Variants in AGBL4 observed in about 807,000 individuals in gnomAD.
The protein encoded by AGBL4 is cytosolic carboxypeptidase 6.
In AGBL4, 58 loss-of-function variants were observed where a neutral mutation model predicts 66.4. The ratio of observed to expected loss-of-function variants is 0.87; its 90% CI spans 0.71 to 1.09. The LOEUF (loss-of-function observed/expected upper bound fraction) is 1.09. AGBL4 is among the 50% of genes least tolerant of loss of function. AGBL4 has a pLI of 0.00. For synonymous variants in AGBL4, 234 were observed against 222.9 expected (o/e 1.05, Z -0.44); for missense variants, 579 against 631.0 (o/e 0.92, Z 0.88).
chr1:48,880,294 A>T (rs146513178), intron 5 of AGBL4, among the ~76,000 whole-genome samples: 251 of 152,292 alleles, frequency 1.6e-3, no homozygotes, highest in African/African-American at 5.9e-3. Flanking sequence ...AATGCCATTA[A>T]TTCATTCCTT....
intron 3 of AGBL4, among the ~76,000 whole-genome samples, chr1:49,638,686 C>T (rs1645724331): frequency 6.6e-6 from 1 of 152,158 alleles, no homozygotes; most frequent in Admixed American, 6.5e-5. Flanking sequence ...GCTTTCTTGC[C>T]TGCTGCCATG....
chr1:49,906,116 C>CTGTGTG (rs59711282), intron 1 of AGBL4, among the ~76,000 whole-genome samples: 1,886 of 147,382 alleles, frequency 0.013, 34 homozygotes, highest in African/African-American at 0.044. Flanking sequence ...AAACAGGACT[C>CTGTGTG]TGTGTGTGTG....
chr1:48,733,159 G>A, intron 6 of AGBL4, among the ~76,000 whole-genome samples: 1 of 152,192 alleles, frequency 6.6e-6, no homozygotes, highest in East Asian at 1.9e-4. Flanking sequence ...TAGCAGCTGG[G>A]TGACAGAGTG....
At chr1:49,095,742 GA>G (rs1321854312) in intron 4 of AGBL4, among the ~76,000 whole-genome samples, 1 of 151,550 alleles carries the variant, frequency 6.6e-6, no homozygotes, top group Non-Finnish European at 1.5e-5. Flanking sequence ...AACCCTAGAA[GA>G]AAACCTAGGC....
chr1:49,313,819 C>T (rs1008211732), intron 3 of AGBL4, among the ~76,000 whole-genome samples: 2 of 152,084 alleles, frequency 1.3e-5, no homozygotes, highest in Non-Finnish European at 2.9e-5. Flanking sequence ...CTGTAGCTTG[C>T]CTGTTCATTC....
intron 1 of AGBL4, among the ~76,000 whole-genome samples, chr1:49,915,872 C>T (rs1571862582): frequency 1.3e-5 from 2 of 152,108 alleles, no homozygotes; most frequent in South Asian, 4.1e-4. Context: ...GCCAGGTACT[C>T]CTCTGAGACG....
At position 49,840,321 on chromosome 1, in the gene AGBL4, T is replaced by G. The variant is rs542689283; in HGVS notation, c.157+11075A>C. Among the ~76,000 whole-genome samples the G allele has an allele frequency of 2.0e-3, 298 of 152,296 alleles. 10 individuals are homozygous for G. The South Asian group carries it at 0.061, about 31-fold the overall frequency. Reference sequence around the variant, plus strand: ...CTGTGGGAATAGTTGTAATGTTGTATTTGTCATTCCTGATTGTACTTAAGT... The same window carrying G: ...CTGTGGGAATAGTTGTAATGTTGTAGTTGTCATTCCTGATTGTACTTAAGT... On this transcript the variant is annotated intron_variant, in intron 2 of 13. Coordinates refer to ENST00000371839, the MANE Select transcript of AGBL4 (RefSeq NM_032785.4).
chr1:49,649,799 T>C (rs1645964848), intron 3 of AGBL4, among the ~76,000 whole-genome samples: 1 of 152,120 alleles, frequency 6.6e-6, no homozygotes, highest in East Asian at 1.9e-4. Flanking sequence ...GTTTACTCTC[T>C]GGCCACAACG....
intron 1 of AGBL4, among the ~76,000 whole-genome samples, chr1:50,011,128 T>G (rs1661498967): frequency 1.3e-5 from 2 of 152,182 alleles, no homozygotes; most frequent in African/African-American, 4.8e-5. Context: ...TTTGTTAAAT[T>G]TGTTAATTTG....
chr1:49,315,986 T>C (rs1645032964), intron 3 of AGBL4, among the ~76,000 whole-genome samples: 1 of 151,966 alleles, frequency 6.6e-6, no homozygotes, highest in Non-Finnish European at 1.5e-5. Flanking sequence ...TAAATGCATA[T>C]TGCTAAGTGA....
chr1:49,725,687 T>G (rs1454991479), intron 2 of AGBL4, among the ~76,000 whole-genome samples: 4 of 146,594 alleles, frequency 2.7e-5, no homozygotes, highest in Non-Finnish European at 4.5e-5. Context: ...TGTGGGTTTT[T>G]TTTTTTTTTT....
At chr1:49,883,057 A>T (rs1647586349) in intron 1 of AGBL4, among the ~76,000 whole-genome samples, 1 of 152,182 alleles carries the variant, frequency 6.6e-6, no homozygotes, top group African/African-American at 2.4e-5. Context: ...CAAGAATGCA[A>T]GTAAGGTGTA....
intron 8 of AGBL4, among the ~76,000 whole-genome samples, chr1:48,651,358 A>T (rs929269487): frequency 3.3e-5 from 5 of 152,178 alleles, no homozygotes; most frequent in Admixed American, 3.3e-4. Context: ...CTGAGAGGGG[A>T]GGCATTTTGG....
At chr1:48,686,688 A>T (rs1452646993) in intron 6 of AGBL4, among the ~76,000 whole-genome samples, 1 of 152,202 alleles carries the variant, frequency 6.6e-6, no homozygotes, top group Non-Finnish European at 1.5e-5. Context: ...ACTTTCGGCC[A>T]TGCACAGTTT....
At chr1:49,021,994 C>T (rs1244193652) in intron 5 of AGBL4, among the ~76,000 whole-genome samples, 1 of 152,024 alleles carries the variant, frequency 6.6e-6, no homozygotes, top group Non-Finnish European at 1.5e-5. Flanking sequence ...CCTGGACCAA[C>T]AATATCAAGA....
intron 11 of AGBL4, among the ~76,000 whole-genome samples, chr1:48,572,438 G>C (rs1644580785): frequency 6.6e-6 from 1 of 152,122 alleles, no homozygotes; most frequent in Non-Finnish European, 1.5e-5. Flanking sequence ...AAGTGGAAGA[G>C]GTGGGAGGAA....
intron 8 of AGBL4, among the ~76,000 whole-genome samples, chr1:48,648,237 C>T (rs72901135): frequency 0.065 from 9,868 of 152,210 alleles, 1,050 homozygotes; most frequent in African/African-American, 0.22. Flanking sequence ...CCTCCCAGCC[C>T]CTGGTAACCA....
At chr1:48,693,273 A>G (rs571012113) in intron 6 of AGBL4, among the ~76,000 whole-genome samples, 39 of 152,274 alleles carry the variant, frequency 2.6e-4, no homozygotes, top group African/African-American at 8.2e-4. Context: ...TCTGAAGACT[A>G]TTTGCACAGG....
intron 1 of AGBL4, among the ~76,000 whole-genome samples, chr1:49,967,938 T>C (rs905071545): frequency 2.0e-5 from 3 of 152,112 alleles, no homozygotes; most frequent in Non-Finnish European, 2.9e-5. Context: ...CTAAGATCCA[T>C]CAGGGCCGGG....
Sources: allele counts gnomAD v4.1 joint callset (sites outside exome capture counted in the v4.1 genomes callset), GRCh38; gene constraint gnomAD v4.1.1; transcripts MANE v1.5; gene names NCBI Gene and HGNC (gene_info 2026-07-23, HGNC 2026-07-21).